Variants in SMAD3 observed in about 807,000 individuals in gnomAD.
SMAD3 encodes SMAD family member 3.
A neutral mutation model predicts 51.8 loss-of-function variants in SMAD3; 12 were observed. The ratio of observed to expected loss-of-function variants is 0.23; its 90% CI spans 0.15 to 0.38. The LOEUF (loss-of-function observed/expected upper bound fraction) is 0.38. Among genes scored for constraint, SMAD3 ranks in the 10% least tolerant of loss-of-function variants. The pLI is 1.00. For synonymous variants in SMAD3, 238 were observed against 227.7 expected (o/e 1.05, Z -0.41); for missense variants, 294 against 565.6 (o/e 0.52, Z 4.87).
At chr15:67,181,177 C>A in intron 5 of SMAD3, 64 bp from the exon 6 acceptor site, 1 of 1,224,276 alleles carries the variant, frequency 8.2e-7, no homozygotes, top group Non-Finnish European at 1.2e-6. Flanking sequence ...GTCCATGGGA[C>A]CCCATCGAGG....
At chr15:67,120,365 A>G (rs940443446) in intron 1 of SMAD3, among the ~76,000 whole-genome samples, 2 of 152,214 alleles carry the variant, frequency 1.3e-5, no homozygotes, top group African/African-American at 4.8e-5. Flanking sequence ...AACAAGTCTT[A>G]TACACATGCC....
chr15:67,150,292 C>CA (rs11376264), intron 1 of SMAD3, among the ~76,000 whole-genome samples: 8,340 of 152,226 alleles, frequency 0.055, 311 homozygotes, highest in Admixed American at 0.094. Flanking sequence ...GCAATTAACA[C>CA]AAAACCTCCT....
In SMAD3 at chr15:67,148,483, C is replaced by A. The variant is rs112997022; in HGVS notation, c.207-16412C>A. ...ATTTAATGTCTGCCTACAACCTTAG[C>A]CACAGATGACTCTCTCTCCCTGGTA... On this transcript the variant is annotated intron_variant, in intron 1 of 8. Transcript: ENST00000327367. Among the ~76,000 whole-genome samples the A allele has an allele frequency of 2.0e-5, 3 of 152,348 alleles. No individual in the cohort carries two copies. The East Asian group carries it at 5.8e-4, about 29-fold the overall frequency.
rs763595789 is a variant in SMAD3, at chr15:67,113,076, G to GTGTGTGTATA, written c.206+46717_206+46718insGTGTGTATAT. ...CAACTTTTAAAATATATATATATGTGTATATATATATATATATATTTTTTT... is the reference window on the plus strand; with the variant it reads ...CAACTTTTAAAATATATATATATGTGTGTGTGTATATATATATATATATATATATTTTTTT... On this transcript the variant is annotated intron_variant, in intron 1 of 8. Transcript: ENST00000327367. 5.7e-5 allele frequency among the ~76,000 whole-genome samples: 2 copies of GTGTGTGTATA among 34,972 alleles called. 1 individual carries two copies. Among genetic ancestry groups the GTGTGTGTATA allele is most frequent in the Non-Finnish European group, 1.2e-4 (2 of 17,384 alleles). The allele number at this position is 34,972 out of a possible 152,430, so 22.9% of individuals were successfully genotyped here.
At position 67,193,536 on chromosome 15, in the gene SMAD3, A is replaced by G. The variant is rs1963420112; in HGVS notation, c.*3000A>G. On this transcript the variant is annotated 3_prime_UTR_variant, in exon 9 of 9. Transcript: ENST00000327367. ...TTGGATTACAGGCCTGTGCTGGAACATCATCTCAGTTGGCCACCTTCCTGG... is the reference window on the plus strand; with the variant it reads ...TTGGATTACAGGCCTGTGCTGGAACGTCATCTCAGTTGGCCACCTTCCTGG... 1 of 233,900 alleles carries G rather than the reference A, an allele frequency of 4.3e-6. No homozygotes were observed. The highest frequency in any genetic ancestry group is 5.6e-5 in the Admixed American group (1 of 17,806). The allele number at this position is 233,900 out of a possible 1,614,324, so 14.5% of individuals were successfully genotyped here. A position where few individuals can be genotyped will look rare whatever the true frequency, so the allele number is the denominator to read the frequency against.
rs11858266 is a variant in SMAD3, at chr15:67,097,768, A to C, written c.206+31408A>C. Reference sequence around the variant, plus strand: ...GGTGAAGAATGAGGGGAGGAGGAAGAAACAATTCCTGTGGGTGCTAGGACC... The same window carrying C: ...GGTGAAGAATGAGGGGAGGAGGAAGCAACAATTCCTGTGGGTGCTAGGACC... On this transcript the variant is annotated intron_variant, in intron 1 of 8. Coordinates refer to ENST00000327367, the MANE Select transcript of SMAD3 (RefSeq NM_005902.4). Among the ~76,000 whole-genome samples the C allele has an allele frequency of 9.0e-3, 1,376 of 152,282 alleles. 21 individuals are homozygous for C. Among genetic ancestry groups the C allele is most frequent in the African/African-American group, 0.031 (1,289 of 41,560 alleles).
intron 1 of SMAD3, among the ~76,000 whole-genome samples, chr15:67,158,661 G>A (rs1337145912): frequency 6.6e-6 from 1 of 152,278 alleles, no homozygotes; most frequent in Non-Finnish European, 1.5e-5. Flanking sequence ...AGGTATGGGT[G>A]TATGGTGAGG....
intron 1 of SMAD3, among the ~76,000 whole-genome samples, chr15:67,102,613 G>A (rs1960785618): frequency 6.6e-6 from 1 of 151,850 alleles, no homozygotes; most frequent in Non-Finnish European, 1.5e-5. Context: ...TGGGTGAGAT[G>A]GGAGCAAGAC....
intron 1 of SMAD3, among the ~76,000 whole-genome samples, chr15:67,145,645 C>T (rs1213898803): frequency 1.3e-5 from 2 of 152,098 alleles, no homozygotes; most frequent in South Asian, 2.1e-4. Flanking sequence ...GTCAGTGTGG[C>T]GCTTACCGGT....
At chr15:67,121,721 A>G (rs965696327) in intron 1 of SMAD3, among the ~76,000 whole-genome samples, 7 of 151,686 alleles carry the variant, frequency 4.6e-5, no homozygotes, top group African/African-American at 2.4e-5. Flanking sequence ...TAACACATCC[A>G]TGTATGTGCT....
intron 1 of SMAD3, among the ~76,000 whole-genome samples, chr15:67,096,378 C>T: frequency 6.6e-6 from 1 of 152,190 alleles, no homozygotes; most frequent in Admixed American, 6.5e-5. Flanking sequence ...TCACAAAATG[C>T]ACATCCAAGT....
chr15:67,176,153 G>A (rs1237845337), intron 5 of SMAD3, among the ~76,000 whole-genome samples: 8 of 152,320 alleles, frequency 5.3e-5, no homozygotes, highest in Admixed American at 1.3e-4. Flanking sequence ...CACAGCTGGC[G>A]TGGGCTCACA....
chr15:67,067,494 T>G (rs1345325002), intron 1 of SMAD3, among the ~76,000 whole-genome samples: 1 of 152,018 alleles, frequency 6.6e-6, no homozygotes, highest in Non-Finnish European at 1.5e-5. Context: ...TGCCGAGGAA[T>G]GAGTAGAAAG....
chr15:67,151,533 A>G (rs1293283155), intron 1 of SMAD3, among the ~76,000 whole-genome samples: 1 of 152,022 alleles, frequency 6.6e-6, no homozygotes, highest in Admixed American at 6.5e-5. Flanking sequence ...GGGTTTCACT[A>G]TGTTGGCCAG....
chr15:67,098,016 C>T (rs1960652431), intron 1 of SMAD3, among the ~76,000 whole-genome samples: 1 of 152,198 alleles, frequency 6.6e-6, no homozygotes, highest in Non-Finnish European at 1.5e-5. Flanking sequence ...TGTCCATTCC[C>T]TACTAAGCCT....
intron 1 of SMAD3, among the ~76,000 whole-genome samples, chr15:67,160,770 C>CAAAAAAAA (rs547354315): frequency 4.8e-4 from 29 of 61,040 alleles, no homozygotes; most frequent in African/African-American, 1.3e-3. Flanking sequence ...GACTCCATCT[C>CAAAAAAAA]AAAAAAAAAA....
rs183843811 is a variant in SMAD3, at chr15:67,151,481, C to T, written c.207-13414C>T. Among the ~76,000 whole-genome samples the T allele has an allele frequency of 8.7e-3, 1,326 of 152,148 alleles. 15 individuals are homozygous for T. Among genetic ancestry groups the T allele is most frequent in the South Asian group, 0.062 (300 of 4,812 alleles). On this transcript the variant is annotated intron_variant, in intron 1 of 8. Transcript: ENST00000327367. ...CTGAGTAGCTGGGACTACAGGCTTG[C>T]GCCACCATGCCCGGCTAATTTTTGT...
Position 67,122,273 on chromosome 15 carries a change from C to A in SMAD3, c.207-42622C>A, listed in dbSNP as rs558598604. ...TCCTTCTTAGAAAAGAGAAATTGAT[C>A]TGTAGGCTTCAGGGACTCTTCAGTT... is the stretch of plus-strand genomic sequence containing the variant. On this transcript the variant is annotated intron_variant, in intron 1 of 8. Transcript: ENST00000327367. 1.2e-3 allele frequency among the ~76,000 whole-genome samples: 189 copies of A among 152,314 alleles called. 1 individual carries two copies. Among genetic ancestry groups the A allele is most frequent in the Non-Finnish European group, 1.8e-3 (120 of 68,034 alleles).
intron 1 of SMAD3, among the ~76,000 whole-genome samples, chr15:67,072,324 A>G (rs1207562180): frequency 1.3e-5 from 2 of 152,224 alleles, no homozygotes; most frequent in Non-Finnish European, 2.9e-5. Flanking sequence ...AATGAAATAA[A>G]TAAGACCAAG....
Sources: gnomAD v4.1 joint callset for allele counts (sites outside exome capture counted in the v4.1 genomes callset) on GRCh38, gnomAD v4.1.1 for gene constraint, MANE v1.5 for transcripts, NCBI Gene and HGNC (gene_info 2026-07-23, HGNC 2026-07-21) for gene names.